The following PTGFR variants were observed in gnomAD, a reference collection of about 807,000 sequenced individuals.
PTGFR encodes prostaglandin F receptor, also known as prostaglandin F2-alpha receptor.
A neutral mutation model predicts 26.2 loss-of-function variants in PTGFR; 15 were observed. The ratio of observed to expected loss-of-function variants is 0.57; its 90% CI spans 0.38 to 0.88. PTGFR has a LOEUF of 0.88. Among genes scored for constraint, PTGFR ranks in the 40% least tolerant of loss-of-function variants. The pLI, the probability that PTGFR is intolerant of heterozygous loss-of-function variation, is 0.00. For synonymous variants in PTGFR, 165 were observed against 151.1 expected, an observed-to-expected ratio of 1.09 and a Z score of -0.68; for missense variants, 369 against 427.2, an observed-to-expected ratio of 0.86 and a Z score of 1.20.
intron 2 of PTGFR, chr1:78,497,752 G>A (rs1322934): frequency 0.22 from 152,591 of 685,896 alleles, 18,175 homozygotes; most frequent in African/African-American, 0.29. Context: ...CAGCCAAGCA[G>A]ACTCTGAAAC....
chr1:78,507,979 T>C (rs972296142), intron 2 of PTGFR, among the ~76,000 whole-genome samples: 1 of 152,218 alleles, frequency 6.6e-6, no homozygotes, highest in Non-Finnish European at 1.5e-5. Flanking sequence ...AAGAAGGAGT[T>C]TGAAACCAAT....
chr1:78,508,892 C>T (rs1649889320), intron 2 of PTGFR, among the ~76,000 whole-genome samples: 1 of 152,036 alleles, frequency 6.6e-6, no homozygotes, highest in South Asian at 2.1e-4. Context: ...ATGAATGTTA[C>T]AGTCAATTCT....
chr1:78,493,930 A>G (rs1649480533), intron 2 of PTGFR, among the ~76,000 whole-genome samples: 1 of 152,276 alleles, frequency 6.6e-6, no homozygotes, highest in Non-Finnish European at 1.5e-5. Context: ...ACTTGTAAAC[A>G]GGGCATATTA....
chr1:78,533,235 A>C (rs1650565770), intron 2 of PTGFR, among the ~76,000 whole-genome samples: 1 of 152,206 alleles, frequency 6.6e-6, no homozygotes, highest in Non-Finnish European at 1.5e-5. Flanking sequence ...CTAGAAAACT[A>C]AATTAAAATA....
At chr1:78,500,158 T>C (rs950598398) in intron 2 of PTGFR, among the ~76,000 whole-genome samples, 1 of 152,158 alleles carries the variant, frequency 6.6e-6, no homozygotes, top group Non-Finnish European at 1.5e-5. Flanking sequence ...ATGTTCCTTG[T>C]CATAAAATGA....
In PTGFR at chr1:78,521,096, A is replaced by T. The variant is rs144212178; in HGVS notation, c.799-15310A>T. Among the ~76,000 whole-genome samples the T allele has an allele frequency of 1.9e-3, 291 of 152,064 alleles. 1 individual carries two copies. The highest frequency in any genetic ancestry group is 3.0e-3 in the Non-Finnish European group (205 of 67,956). ...AATTTCCCATCCCCCAGCTCTATAG[A>T]CACTCCACTCCCTTCTGTACCAGCT... On this transcript the variant is annotated intron_variant, in intron 2 of 2. Transcript: ENST00000370757.
rs146540411 is a variant in PTGFR at position 78,528,610 on chromosome 1, T to G, written c.799-7796T>G. Among the ~76,000 whole-genome samples the G allele has an allele frequency of 8.3e-3, 1,257 of 152,242 alleles. 19 individuals are homozygous for G. Among genetic ancestry groups the G allele is most frequent in the African/African-American group, 0.029 (1,192 of 41,556 alleles). Reference sequence around the variant, plus strand: ...TTGCATTTGGTCTGTAGGTTTAGATTGGCTTTTTCAAAGACAAATTTTCTC... The same window carrying G: ...TTGCATTTGGTCTGTAGGTTTAGATGGGCTTTTTCAAAGACAAATTTTCTC... On this transcript the variant is annotated intron_variant, in intron 2 of 2. Transcript: ENST00000370757.
chr1:78,492,776 T>C lies in PTGFR; in HGVS notation c.33T>C (p.Ser11=), dbSNP rs375187721. MSMNNSKQLV[S]PAAALLSNTT... is the part of the protein sequence containing the mutation. ...TGAACAATTCCAAACAGCTAGTGTCTCCTGCAGCTGCGCTTCTTTCAAACA... is the reference window on the plus strand; with the variant it reads ...TGAACAATTCCAAACAGCTAGTGTCCCCTGCAGCTGCGCTTCTTTCAAACA... The change falls in exon 2 of 3, where the codon TCT becomes TCC. Residue 11 remains serine (S), a synonymous_variant. Transcript: ENST00000370757. 4.3e-6 allele frequency: 7 copies of C among 1,613,942 alleles called. No homozygotes were observed. The African/African-American group carries it at 9.3e-5, about 22-fold the overall frequency.
At chr1:78,527,107 G>GT (rs1388312582) in intron 2 of PTGFR, among the ~76,000 whole-genome samples, 1 of 152,076 alleles carries the variant, frequency 6.6e-6, no homozygotes, top group Non-Finnish European at 1.5e-5. Flanking sequence ...GAATTTTTAG[G>GT]TAAGATGAAA....
At chr1:78,506,209 T>C (rs1231747618) in intron 2 of PTGFR, among the ~76,000 whole-genome samples, 3 of 152,056 alleles carry the variant, frequency 2.0e-5, no homozygotes, top group Non-Finnish European at 4.4e-5. Flanking sequence ...TTTTCTCTTT[T>C]TATTTATATT....
chr1:78,514,982 G>A (rs1247739594), intron 2 of PTGFR, among the ~76,000 whole-genome samples: 1 of 151,936 alleles, frequency 6.6e-6, no homozygotes, highest in African/African-American at 2.4e-5. Flanking sequence ...CATGCTTCCT[G>A]TACAGCCTGC....
rs561042989 is a variant in PTGFR at position 78,522,302 on chromosome 1, C to A, written c.799-14104C>A. ...AGAAAGTTATCTGCCTTTAAAGGGACTCATGTGATTAAATTAGTCCCACTT... is the reference window on the plus strand; with the variant it reads ...AGAAAGTTATCTGCCTTTAAAGGGAATCATGTGATTAAATTAGTCCCACTT... On this transcript the variant is annotated intron_variant, in intron 2 of 2. Coordinates refer to ENST00000370757, the MANE Select transcript of PTGFR (RefSeq NM_000959.4). 7.2e-5 allele frequency among the ~76,000 whole-genome samples: 11 copies of A among 152,104 alleles called. No homozygotes were observed. In the East Asian group the frequency reaches 1.9e-3, roughly 27 times the overall value.
chr1:78,505,939 C>G (rs1649818626), intron 2 of PTGFR, among the ~76,000 whole-genome samples: 1 of 152,182 alleles, frequency 6.6e-6, no homozygotes, highest in African/African-American at 2.4e-5. Flanking sequence ...TTTCAGAAGT[C>G]AATTAACATT....
chr1:78,523,760 A>G (rs994504611), intron 2 of PTGFR, among the ~76,000 whole-genome samples: 2 of 152,154 alleles, frequency 1.3e-5, no homozygotes, highest in African/African-American at 2.4e-5. Context: ...TGTGGTTTAA[A>G]TGATAACTTG....
rs191973151 is a variant in PTGFR, at chr1:78,521,607, T to G, written c.799-14799T>G. On this transcript the variant is annotated intron_variant, in intron 2 of 2. Transcript: ENST00000370757. ...ATATTCAGCAACAGGTTGAACTCAT[T>G]GGTTTCAATTGTTTATTGAGTCTAA... Among the ~76,000 whole-genome samples the G allele has an allele frequency of 1.4e-3, 216 of 152,272 alleles. 1 individual carries two copies. Among genetic ancestry groups the G allele is most frequent in the Admixed American group, 5.0e-3 (76 of 15,268 alleles).
Position 78,536,556 on chromosome 1 carries a change from A to T in PTGFR, c.949A>T (p.Lys317Ter). 1 of 1,613,458 alleles carries T rather than the reference A, an allele frequency of 6.2e-7. No homozygotes were observed. The highest frequency in any genetic ancestry group is 8.5e-7 in the Non-Finnish European group (1 of 1,179,572). The stretch of plus-strand genomic sequence containing the variant: ...AAAGGCTGTCCTTAAGAATCTCTAT[A>T]AGCTTGCCAGTCAATGCTGTGGAGT... ...LRKAVLKNLY[K>*]LASQCCGVHV... is the part of the protein sequence containing the mutation. The change falls in exon 3 of 3, where the codon AAG becomes TAG. Residue 317 changes from lysine to a stop codon, truncating the protein, a stop_gained. Transcript: ENST00000370757. LOFTEE classifies it high-confidence loss of function.
chr1:78,529,915 C>T (rs1427675663), intron 2 of PTGFR, among the ~76,000 whole-genome samples: 1 of 152,098 alleles, frequency 6.6e-6, no homozygotes, highest in East Asian at 1.9e-4. Flanking sequence ...ATTTAGATTG[C>T]ACGCTCCTTA....
At chr1:78,524,906 A>ATTTTTTTTT (rs35641651) in intron 2 of PTGFR, among the ~76,000 whole-genome samples, 44 of 70,510 alleles carry the variant, frequency 6.2e-4, no homozygotes, top group Non-Finnish European at 6.7e-4. Flanking sequence ...CAAATGCAAG[A>ATTTTTTTTT]TTTTTTTTTT....
At chr1:78,535,772 C>T (rs1351944276) in intron 2 of PTGFR, among the ~76,000 whole-genome samples, 1 of 152,136 alleles carries the variant, frequency 6.6e-6, no homozygotes, top group African/African-American at 2.4e-5. Flanking sequence ...TACATTGTTA[C>T]AGTTAAGTCA....
Sources: gnomAD v4.1 joint callset for allele counts (sites outside exome capture counted in the v4.1 genomes callset) on GRCh38, gnomAD v4.1.1 for gene constraint, MANE v1.5 for transcripts, NCBI Gene and HGNC (gene_info 2026-07-23, HGNC 2026-07-21) for gene names.